The following TRAPPC9 variants were observed in gnomAD, a reference collection of about 807,000 sequenced individuals.
TRAPPC9 encodes IKK2 binding protein.
TRAPPC9 carries 83 observed loss-of-function variants against 124.0 expected under a neutral mutation model. The ratio of observed to expected loss-of-function variants is 0.67; its 90% CI spans 0.56 to 0.80. The LOEUF (loss-of-function observed/expected upper bound fraction) is 0.80, where lower values mean the gene tolerates loss of function less well. Ranked by LOEUF, TRAPPC9 falls within the 30% of genes least tolerant of loss-of-function variation. The probability of loss-of-function intolerance (pLI) is 0.00; values close to 1 mark genes in which losing one functional copy is unlikely to be tolerated. For synonymous variants in TRAPPC9, 638 were observed against 617.5 expected, an observed-to-expected ratio of 1.03 and a Z score of -0.49; for missense variants, 1,302 against 1,508.3, an observed-to-expected ratio of 0.86 and a Z score of 2.27.
intron 21 of TRAPPC9, among the ~76,000 whole-genome samples, chr8:139,827,128 A>C (rs2100803): frequency 0.57 from 86,716 of 152,064 alleles, 27,899 homozygotes; most frequent in African/African-American, 0.87. Context: ...GGGGAAGGGA[A>C]GGCACTTGCC....
chr8:139,835,855 A>G (rs1003434990), intron 21 of TRAPPC9, among the ~76,000 whole-genome samples: 1 of 152,138 alleles, frequency 6.6e-6, no homozygotes, highest in African/African-American at 2.4e-5. Flanking sequence ...AGAGTGCAAG[A>G]ATCACCACCC....
chr8:140,103,192 C>T (rs1246785538), intron 17 of TRAPPC9, among the ~76,000 whole-genome samples: 6 of 152,214 alleles, frequency 3.9e-5, no homozygotes, highest in African/African-American at 7.2e-5. Context: ...TACATCAGCG[C>T]TCTCTTCCAG....
At chr8:139,980,753 C>T (rs1375617936) in intron 19 of TRAPPC9, among the ~76,000 whole-genome samples, 1 of 152,184 alleles carries the variant, frequency 6.6e-6, no homozygotes, top group Non-Finnish European at 1.5e-5. Flanking sequence ...CCAGCCCGTG[C>T]GTGTTCATCT....
rs371833815 is a variant in TRAPPC9, at chr8:140,311,253, G to T, written c.1617C>A (p.Ile539=). Residue 539 remains isoleucine, a synonymous_variant, in exon 10 of 23, where the codon ATC becomes ATA. Coordinates refer to ENST00000438773, the MANE Select transcript of TRAPPC9 (RefSeq NM_001160372.4). Reference sequence around the variant, plus strand: ...CTCTGCAGTGCCCATCTCACCTGACGATGGGAAGCTTGGTGAAGGGCACCG... The same window carrying T: ...CTCTGCAGTGCCCATCTCACCTGACTATGGGAAGCTTGGTGAAGGGCACCG... ...LPPVPFTKLP[I]VRHVKLLNLP... is the part of the protein sequence containing the mutation. The T allele has an allele frequency of 6.2e-7, 1 of 1,611,114 alleles. No individual in the cohort carries two copies. Among genetic ancestry groups the T allele is most frequent in the African/African-American group, 1.3e-5 (1 of 74,944 alleles).
chr8:139,978,531 T>G (rs1390476841), intron 19 of TRAPPC9, among the ~76,000 whole-genome samples: 3 of 152,152 alleles, frequency 2.0e-5, no homozygotes, highest in African/African-American at 7.2e-5. Context: ...TGCTTCAAAA[T>G]TAGAGGAAAT....
At chr8:140,052,209 CAAA>C (rs2132091382) in intron 17 of TRAPPC9, among the ~76,000 whole-genome samples, 1 of 85,488 alleles carries the variant, frequency 1.2e-5, no homozygotes, top group East Asian at 2.7e-4. Flanking sequence ...CGGTATTCTC[CAAA>C]ACAACAACAA....
chr8:140,405,217 C>T (rs1278878946), intron 6 of TRAPPC9: 1 of 173,300 alleles, frequency 5.8e-6, no homozygotes, highest in East Asian at 1.7e-4. Flanking sequence ...ATAGAAAACA[C>T]AGACTAAAAT....
At position 139,988,793 on chromosome 8, in the gene TRAPPC9, C is replaced by A; in HGVS notation, c.2743G>T (p.Glu915Ter). Residue 915 changes from glutamate (E) to a stop codon, truncating the protein, a stop_gained, in exon 19 of 23, where the codon GAG becomes TAG. Coordinates refer to ENST00000438773, the MANE Select transcript of TRAPPC9 (RefSeq NM_001160372.4). LOFTEE classifies it high-confidence loss of function. ...CTGGTGCTGACGGTCAGCTCATGCT[C>A]GGTGGAGTTGAAGACATCCAGGAGC... ...HLLLDVFNST[E>*]HELTVSTRSS... is the part of the protein sequence containing the mutation. 2 of 1,551,502 alleles carry A rather than the reference C, an allele frequency of 1.3e-6. No homozygotes were observed. The highest frequency in any genetic ancestry group is 1.7e-6 in the Non-Finnish European group (2 of 1,146,952).
At chr8:139,851,156 G>A (rs1252848324) in intron 21 of TRAPPC9, among the ~76,000 whole-genome samples, 2 of 152,202 alleles carry the variant, frequency 1.3e-5, no homozygotes, top group Non-Finnish European at 2.9e-5. Context: ...GTATAACAAT[G>A]TGATCAGACA....
At chr8:139,917,330 G>T (rs1832218061) in intron 19 of TRAPPC9, among the ~76,000 whole-genome samples, 2 of 151,822 alleles carry the variant, frequency 1.3e-5, no homozygotes, top group African/African-American at 4.8e-5. Flanking sequence ...ACACGCGCCT[G>T]CCACCATGCC....
chr8:139,887,107 G>A (rs567369287), intron 20 of TRAPPC9, among the ~76,000 whole-genome samples: 44 of 152,188 alleles, frequency 2.9e-4, no homozygotes, highest in African/African-American at 9.6e-4. Flanking sequence ...CTGCCCAAGA[G>A]AGCCCGCCGG....
At chr8:140,347,872 T>C (rs1209112407) in intron 9 of TRAPPC9, among the ~76,000 whole-genome samples, 4 of 152,248 alleles carry the variant, frequency 2.6e-5, no homozygotes, top group Non-Finnish European at 5.9e-5. Flanking sequence ...TGGTACTTCT[T>C]CCTTTTCCAT....
In TRAPPC9 at chr8:140,134,081, T is replaced by C. The variant is rs900033655; in HGVS notation, c.2556+87378A>G. On this transcript the variant is annotated intron_variant, in intron 17 of 22. Coordinates refer to ENST00000438773, the MANE Select transcript of TRAPPC9 (RefSeq NM_001160372.4). ...CACAGAATTGCAAAAGGACCCCAAA[T>C]AGCAAAAACAATATTGAAAAAAAGA... Among the ~76,000 whole-genome samples the C allele has an allele frequency of 4.6e-5, 7 of 151,784 alleles. No homozygotes were observed. In the East Asian group the frequency reaches 1.2e-3, roughly 25 times the overall value.
chr8:140,351,052 C>T (rs2132121209), intron 9 of TRAPPC9, among the ~76,000 whole-genome samples: 1 of 151,712 alleles, frequency 6.6e-6, no homozygotes, highest in East Asian at 2.0e-4. Context: ...CTGGCTGGGC[C>T]TCTCAACGAA....
intron 21 of TRAPPC9, among the ~76,000 whole-genome samples, chr8:139,791,240 C>T (rs532303086): frequency 6.5e-4 from 99 of 152,296 alleles, no homozygotes; most frequent in Non-Finnish European, 1.8e-4. Context: ...CCCAGACACA[C>T]TCGCACTCTA....
At chr8:140,309,811 G>A (rs774997475) in intron 10 of TRAPPC9, among the ~76,000 whole-genome samples, 3 of 152,190 alleles carry the variant, frequency 2.0e-5, no homozygotes, top group African/African-American at 4.8e-5. Flanking sequence ...GAGCAGCCAC[G>A]CCCTTCCTGG....
chr8:139,795,183 C>T (rs1009202796), intron 21 of TRAPPC9, among the ~76,000 whole-genome samples: 12 of 151,982 alleles, frequency 7.9e-5, no homozygotes, highest in Non-Finnish European at 1.5e-4. Flanking sequence ...GGGGAAGGCC[C>T]GGGGGCCCAG....
chr8:139,763,998 T>C (rs562212238), intron 21 of TRAPPC9, among the ~76,000 whole-genome samples: 2 of 152,330 alleles, frequency 1.3e-5, no homozygotes, highest in Admixed American at 1.3e-4. Context: ...GCTCATTAGA[T>C]ACACGGTAGG....
chr8:139,768,193 G>T (rs780789173), intron 21 of TRAPPC9, among the ~76,000 whole-genome samples: 12 of 152,202 alleles, frequency 7.9e-5, no homozygotes, highest in Non-Finnish European at 1.8e-4. Flanking sequence ...GATTTGGCAT[G>T]GAACATATTA....
Sources: allele counts gnomAD v4.1 joint callset (sites outside exome capture counted in the v4.1 genomes callset), GRCh38; gene constraint gnomAD v4.1.1; transcripts MANE v1.5; gene names NCBI Gene and HGNC (gene_info 2026-07-23, HGNC 2026-07-21).